Variants in RARB observed in about 807,000 individuals in gnomAD.
The protein encoded by RARB is retinoic acid receptor beta.
In RARB, 17 loss-of-function variants were observed where a neutral mutation model predicts 51.9. The ratio of observed to expected loss-of-function variants is 0.33; its 90% CI spans 0.22 to 0.49. The LOEUF is 0.49. Ranked by LOEUF, RARB falls within the 20% of genes least tolerant of loss-of-function variation. The pLI is 0.99. For synonymous variants in RARB, 215 were observed against 195.4 expected (o/e 1.10, Z -0.84); for missense variants, 369 against 550.8 (o/e 0.67, Z 3.30).
At chr3:25,557,713 A>G (rs1700117430) in intron 3 of RARB, among the ~76,000 whole-genome samples, 1 of 152,062 alleles carries the variant, frequency 6.6e-6, no homozygotes, top group Admixed American at 6.6e-5. Context: ...AGTGGTCCCT[A>G]TACCCCTAAT....
At chr3:25,303,657 C>G (rs1704091653) in intron 5 of RARB, among the ~76,000 whole-genome samples, 1 of 152,150 alleles carries the variant, frequency 6.6e-6, no homozygotes, top group South Asian at 2.1e-4. Context: ...TTCATCAGCT[C>G]TCTTCCCTCA....
chr3:25,503,095 A>G (rs1293652461), intron 3 of RARB, among the ~76,000 whole-genome samples: 1 of 91,834 alleles, frequency 1.1e-5, no homozygotes, highest in Non-Finnish European at 1.9e-5. Context: ...TCTGCAGATC[A>G]TGGGTCACTT....
intron 5 of RARB, among the ~76,000 whole-genome samples, chr3:25,378,326 T>G (rs1024254479): frequency 2.0e-5 from 3 of 152,180 alleles, no homozygotes; most frequent in African/African-American, 7.2e-5. Context: ...GTGGCTCCCT[T>G]CTACCTGATG....
At chr3:25,049,047 C>A (rs115054009) in intron 2 of RARB, among the ~76,000 whole-genome samples, 1 of 152,116 alleles carries the variant, frequency 6.6e-6, no homozygotes, top group African/African-American at 2.4e-5. Flanking sequence ...CCACCGCGCC[C>A]AGCTCCAAGA....
At chr3:25,284,779 C>A (rs1008917732) in intron 5 of RARB, among the ~76,000 whole-genome samples, 2 of 152,148 alleles carry the variant, frequency 1.3e-5, no homozygotes, top group South Asian at 4.1e-4. Context: ...TGGATTTTAT[C>A]AAGCAAACAC....
At chr3:24,969,656 G>A (rs1476051175) in intron 2 of RARB, among the ~76,000 whole-genome samples, 1 of 152,070 alleles carries the variant, frequency 6.6e-6, no homozygotes, top group Non-Finnish European at 1.5e-5. Flanking sequence ...GTTTTAAGAA[G>A]GAGAAGAGAG....
intron 5 of RARB, among the ~76,000 whole-genome samples, chr3:25,327,750 C>G (rs1704768485): frequency 6.6e-6 from 1 of 152,174 alleles, no homozygotes; most frequent in Non-Finnish European, 1.5e-5. Flanking sequence ...TCTCACATGA[C>G]AGCTCTATGA....
intron 5 of RARB, among the ~76,000 whole-genome samples, chr3:25,251,219 TTATAA>T (rs1236634835): frequency 2.0e-5 from 3 of 152,180 alleles, no homozygotes; most frequent in Non-Finnish European, 2.9e-5. Context: ...ATTCATTTTA[TTATAA>T]TATTATATTT....
At chr3:25,535,530 A>G (rs1278825744) in intron 3 of RARB, among the ~76,000 whole-genome samples, 1 of 151,378 alleles carries the variant, frequency 6.6e-6, no homozygotes, top group Non-Finnish European at 1.5e-5. Context: ...CATCTTCATT[A>G]GGTATTTCTC....
chr3:25,329,085 G>T (rs934614444), intron 5 of RARB, among the ~76,000 whole-genome samples: 4 of 152,188 alleles, frequency 2.6e-5, no homozygotes, highest in Non-Finnish European at 4.4e-5. Flanking sequence ...TCTGTAAACT[G>T]CACCTCTCAG....
chr3:25,064,671 T>C (rs1559452880), intron 3 of RARB, among the ~76,000 whole-genome samples: 1 of 152,170 alleles, frequency 6.6e-6, no homozygotes, highest in Admixed American at 6.6e-5. Context: ...AAGTGTGGTT[T>C]TTCCAAATTA....
chr3:25,581,195 G>A (rs1701160056), intron 5 of RARB, among the ~76,000 whole-genome samples: 1 of 152,168 alleles, frequency 6.6e-6, no homozygotes, highest in South Asian at 2.1e-4. Flanking sequence ...GTGCGTTCGT[G>A]TGCTTAATTA....
chr3:25,202,259 T>G (rs983766922), intron 5 of RARB, among the ~76,000 whole-genome samples: 1 of 152,208 alleles, frequency 6.6e-6, no homozygotes, highest in African/African-American at 2.4e-5. Context: ...TAGTTTGTAT[T>G]TATGTGGGAT....
chr3:25,304,567 G>A (rs930492308), intron 5 of RARB, among the ~76,000 whole-genome samples: 8 of 152,120 alleles, frequency 5.3e-5, no homozygotes, highest in South Asian at 2.1e-4. Flanking sequence ...TTTCATGCCC[G>A]AGATCTAATC....
At position 25,124,850 on chromosome 3, in the gene RARB, T is replaced by A. The variant is rs1699836825; in HGVS notation, c.-327-7311T>A. Among the ~76,000 whole-genome samples, 3 of 152,230 alleles carry A rather than the reference T, an allele frequency of 2.0e-5. No individual in the cohort carries two copies. The South Asian group carries it at 6.2e-4, about 31-fold the overall frequency. On this transcript the variant is annotated intron_variant, in intron 3 of 11. Transcript: ENST00000383772. ...TAGACACTATACCATTGGTCACCTA[T>A]TTCTATGTTCCTTATGTATTTTTAC...
intron 3 of RARB, among the ~76,000 whole-genome samples, chr3:25,119,473 C>G (rs1329619313): frequency 6.6e-6 from 1 of 152,030 alleles, no homozygotes; most frequent in East Asian, 1.9e-4. Context: ...GTTAAGAGAA[C>G]TTAGGATAGT....
chr3:25,550,075 A>G (rs1382660171), intron 3 of RARB, among the ~76,000 whole-genome samples: 1 of 151,756 alleles, frequency 6.6e-6, no homozygotes, highest in African/African-American at 2.4e-5. Context: ...CCAAGCATAA[A>G]GAGAGAATAC....
intron 3 of RARB, among the ~76,000 whole-genome samples, chr3:25,066,982 A>G (rs1292977237): frequency 6.6e-6 from 1 of 152,314 alleles, no homozygotes; most frequent in East Asian, 1.9e-4. Flanking sequence ...AGTTCCAGTC[A>G]GCAGTTAAGT....
chr3:25,037,151 T>C (rs1041001919), intron 2 of RARB, among the ~76,000 whole-genome samples: 1 of 152,130 alleles, frequency 6.6e-6, no homozygotes. Flanking sequence ...GTTTGGACTG[T>C]AGAGTGTCAG....
Sources: allele counts gnomAD v4.1 joint callset (sites outside exome capture counted in the v4.1 genomes callset), GRCh38; gene constraint gnomAD v4.1.1; transcripts MANE v1.5; gene names NCBI Gene and HGNC (gene_info 2026-07-23, HGNC 2026-07-21).